The following ZFYVE9 variants were observed in gnomAD, a reference collection of about 807,000 sequenced individuals.
ZFYVE9 encodes the protein zinc finger FYVE domain-containing protein 9.
In ZFYVE9, 43 loss-of-function variants were observed where a neutral mutation model predicts 126.7. That is an observed-to-expected ratio of 0.34 (90% confidence interval 0.27 to 0.44). ZFYVE9 has a LOEUF of 0.44. Among genes scored for constraint, ZFYVE9 ranks in the 20% least tolerant of loss-of-function variants. The probability of loss-of-function intolerance (pLI) is 1.00; values close to 1 mark genes in which losing one functional copy is unlikely to be tolerated. For synonymous variants in ZFYVE9, 521 were observed against 597.4 expected (o/e 0.87, Z 1.87); for missense variants, 1,476 against 1,697.0 (o/e 0.87, Z 2.29).
rs770138261 is a variant in ZFYVE9 at position 52,238,964 on chromosome 1, A to G, written c.1547A>G (p.Tyr516Cys). 1.9e-6 allele frequency: 3 copies of G among 1,614,122 alleles called. No homozygotes were observed. Among genetic ancestry groups the G allele is most frequent in the Non-Finnish European group, 2.5e-6 (3 of 1,180,010 alleles). ...KEIEESKSEC[Y>C]SNIYEQRGNE... ...ATAGAGGAAAGCAAGTCAGAATGCT[A>G]CTCAAATATTTATGAACAGAGAGGA... Residue 516 changes from tyrosine (Y) to cysteine (C), a missense_variant, in exon 4 of 19, where the codon TAC becomes TGC. Physicochemically the swap from Tyr to Cys is radical, Grantham distance 194. This residue lies in a region of ZFYVE9 where 807 missense variants were observed against 794.6 expected (regional missense o/e 1.02). Coordinates refer to ENST00000287727, the MANE Select transcript of ZFYVE9 (RefSeq NM_004799.4).
intron 13 of ZFYVE9, among the ~76,000 whole-genome samples, chr1:52,316,004 A>G (rs1246336736): frequency 1.3e-5 from 2 of 151,716 alleles, no homozygotes; most frequent in African/African-American, 2.4e-5. Context: ...CGTCTCTACT[A>G]AAAATACAAA....
At chr1:52,206,650 A>G (rs980519097) in intron 1 of ZFYVE9, among the ~76,000 whole-genome samples, 1 of 152,124 alleles carries the variant, frequency 6.6e-6, no homozygotes, top group Non-Finnish European at 1.5e-5. Flanking sequence ...TCCCAGGTTC[A>G]AGCATTTTCA....
intron 18 of ZFYVE9, 48 bp from the exon 19 acceptor site, chr1:52,346,012 G>C (rs756613454): frequency 1.3e-6 from 2 of 1,508,310 alleles, no homozygotes; most frequent in Non-Finnish European, 1.8e-6. Context: ...GCCCTGGAGA[G>C]GCCTTCTCTG....
chr1:52,242,673 A>G (rs1245722283), intron 4 of ZFYVE9, among the ~76,000 whole-genome samples: 1 of 152,202 alleles, frequency 6.6e-6, no homozygotes, highest in East Asian at 1.9e-4. Context: ...AACAGATTCA[A>G]ACCAAAATGT....
At chr1:52,187,376 C>T (rs1644774341) in intron 1 of ZFYVE9, among the ~76,000 whole-genome samples, 1 of 152,100 alleles carries the variant, frequency 6.6e-6, no homozygotes, top group African/African-American at 2.4e-5. Flanking sequence ...GGAAGACAGC[C>T]TAGGCAATAC....
At chr1:52,211,491 G>A (rs989341154) in intron 1 of ZFYVE9, among the ~76,000 whole-genome samples, 1 of 152,200 alleles carries the variant, frequency 6.6e-6, no homozygotes, top group Non-Finnish European at 1.5e-5. Context: ...TTTTGTACCT[G>A]TTGAGTTTGA....
chr1:52,228,317 C>T (rs1156594590), intron 2 of ZFYVE9, among the ~76,000 whole-genome samples: 1 of 152,108 alleles, frequency 6.6e-6, no homozygotes, highest in Non-Finnish European at 1.5e-5. Flanking sequence ...TGGCCTCAAG[C>T]GATCTCACAC....
At chr1:52,333,982 A>G (rs917552265) in intron 14 of ZFYVE9, among the ~76,000 whole-genome samples, 2 of 151,852 alleles carry the variant, frequency 1.3e-5, no homozygotes, top group Admixed American at 6.6e-5. Flanking sequence ...AGTCCCAGCT[A>G]CTCGGGAGGC....
intron 4 of ZFYVE9, among the ~76,000 whole-genome samples, chr1:52,245,759 A>G (rs1244635378): frequency 6.6e-6 from 1 of 152,178 alleles, no homozygotes; most frequent in Admixed American, 6.5e-5. Flanking sequence ...CCTAATTAAC[A>G]TTGAAGAAAC....
intron 2 of ZFYVE9, among the ~76,000 whole-genome samples, chr1:52,229,348 G>A (rs1376273212): frequency 6.6e-6 from 1 of 152,150 alleles, no homozygotes; most frequent in Non-Finnish European, 1.5e-5. Flanking sequence ...TTAAACTGTT[G>A]TGGTGGTACT....
chr1:52,197,271 C>T (rs553657112), intron 1 of ZFYVE9, among the ~76,000 whole-genome samples: 4 of 152,046 alleles, frequency 2.6e-5, no homozygotes, highest in East Asian at 1.9e-4. Flanking sequence ...ATTACTATAG[C>T]GTGAACAACT....
chr1:52,257,682 C>A (rs1315671678), intron 4 of ZFYVE9, among the ~76,000 whole-genome samples: 1 of 152,108 alleles, frequency 6.6e-6, no homozygotes, highest in African/African-American at 2.4e-5. Context: ...TAGTCCTTCC[C>A]CAAAAAGTTT....
At chr1:52,226,073 G>A (rs1440595379) in intron 2 of ZFYVE9, among the ~76,000 whole-genome samples, 1 of 152,162 alleles carries the variant, frequency 6.6e-6, no homozygotes, top group Non-Finnish European at 1.5e-5. Flanking sequence ...AGATTGGTTC[G>A]ATCAGGTATG....
intron 14 of ZFYVE9, among the ~76,000 whole-genome samples, chr1:52,333,128 A>G (rs1557524609): frequency 6.6e-6 from 1 of 152,126 alleles, no homozygotes; most frequent in African/African-American, 2.4e-5. Flanking sequence ...TGAGGGAACA[A>G]TTTTGAAAAT....
chr1:52,154,089 A>G (rs572363216), intron 1 of ZFYVE9, among the ~76,000 whole-genome samples: 91 of 152,368 alleles, frequency 6.0e-4, no homozygotes, highest in African/African-American at 2.2e-3. Context: ...TACTGCCACA[A>G]ATCTTTCACT....
intron 4 of ZFYVE9, among the ~76,000 whole-genome samples, chr1:52,260,112 A>G (rs539914999): frequency 4.9e-4 from 74 of 152,166 alleles, no homozygotes; most frequent in African/African-American, 1.5e-3. Flanking sequence ...TCCAATTTTA[A>G]AAGATATTGT....
At chr1:52,338,050 G>C (rs1646404597) in intron 16 of ZFYVE9, 116 bp downstream of exon 16, 2 of 1,298,034 alleles carry the variant, frequency 1.5e-6, no homozygotes, top group African/African-American at 1.5e-5. Context: ...CTAAGAGAAA[G>C]ACTGCTTTGT....
At chr1:52,216,531 A>G in intron 2 of ZFYVE9, 57 bp downstream of exon 2, 2 of 398,216 alleles carry the variant, frequency 5.0e-6, no homozygotes, top group Non-Finnish European at 8.9e-6. Flanking sequence ...AATGAGATCT[A>G]TAGAAGATAA....
At chr1:52,248,974 G>A (rs148623252) in intron 4 of ZFYVE9, among the ~76,000 whole-genome samples, 1 of 152,278 alleles carries the variant, frequency 6.6e-6, no homozygotes, top group African/African-American at 2.4e-5. Flanking sequence ...CCATGTGTTG[G>A]GGGAGGGGCC....
Sources: gnomAD v4.1 joint callset for allele counts (sites outside exome capture counted in the v4.1 genomes callset) on GRCh38, gnomAD v4.1.1 for gene constraint, gnomAD v4.1.1 regional missense constraint, MANE v1.5 for transcripts, NCBI Gene and HGNC (gene_info 2026-07-23, HGNC 2026-07-21) for gene names.